ZNF521: variants seen among roughly 807,000 people sequenced by gnomAD.
ZNF521 encodes the protein LYST-interacting protein 3.
In ZNF521, 14 loss-of-function variants were observed where a neutral mutation model predicts 105.5. That is an observed-to-expected ratio of 0.13 (90% CI 0.09 to 0.21). The LOEUF (loss-of-function observed/expected upper bound fraction) is 0.21, where lower values mean the gene tolerates loss of function less well. Ranked by LOEUF, ZNF521 falls within the 10% of genes least tolerant of loss-of-function variation. The probability of loss-of-function intolerance (pLI) is 1.00; values close to 1 mark genes in which losing one functional copy is unlikely to be tolerated. For missense variants in ZNF521, 1,233 were observed against 1,629.7 expected, an observed-to-expected ratio of 0.76 and a Z score of 4.19; for synonymous variants, 635 against 606.0, an observed-to-expected ratio of 1.05 and a Z score of -0.70.
chr18:25,202,095 C>T (rs1024718003), intron 4 of ZNF521: 3 of 151,998 alleles, frequency 2.0e-5, no homozygotes, highest in Non-Finnish European at 4.4e-5. Flanking sequence ...TAGTTTTCAC[C>T]CTTTTAAGTG....
chr18:25,081,280 G>A lies in ZNF521; in HGVS notation c.3906+8185C>T, dbSNP rs1248538685. Among the ~76,000 whole-genome samples, 12 of 152,178 alleles carry A rather than the reference G, an allele frequency of 7.9e-5. No individual in the cohort carries two copies. In the East Asian group the frequency reaches 2.1e-3, roughly 27 times the overall value. ...CAAAAAAATAATGTAATGGCAGCTC[G>A]CTAACAACAGGGCTGTTGGAGGAGG... is the stretch of plus-strand genomic sequence containing the variant. On this transcript the variant is annotated intron_variant, in intron 7 of 7. Coordinates refer to ENST00000361524, the MANE Select transcript of ZNF521 (RefSeq NM_015461.3).
intron 5 of ZNF521, among the ~76,000 whole-genome samples, chr18:25,121,051 AT>A (rs1361753758): frequency 1.3e-5 from 2 of 152,090 alleles, no homozygotes; most frequent in Admixed American, 1.3e-4. Flanking sequence ...AAACAAAAAA[AT>A]AATACTGAAT....
At chr18:25,146,466 C>A (rs1475910442) in intron 5 of ZNF521, among the ~76,000 whole-genome samples, 1 of 151,866 alleles carries the variant, frequency 6.6e-6, no homozygotes, top group Non-Finnish European at 1.5e-5. Flanking sequence ...AGCAGGGAGC[C>A]CTATAGAAAA....
At position 25,062,589 on chromosome 18, in the gene ZNF521, T is replaced by C; in HGVS notation, c.*123A>G. 7.6e-7 allele frequency: 1 copy of C among 1,322,372 alleles called. No individual in the cohort carries two copies. The highest frequency in any genetic ancestry group is 1.1e-6 in the Non-Finnish European group (1 of 951,400). The allele number at this position is 1,322,372 out of a possible 1,614,324, so 81.9% of individuals were successfully genotyped here. ...ACATCCAACAGTTTGATAATACAAGTTTTATGGTACAATACAATGTTTCTG... is the reference window on the plus strand; with the variant it reads ...ACATCCAACAGTTTGATAATACAAGCTTTATGGTACAATACAATGTTTCTG... On this transcript the variant is annotated 3_prime_UTR_variant, in exon 8 of 8. Transcript: ENST00000361524.
At chr18:25,132,967 T>C (rs150669414) in intron 5 of ZNF521, among the ~76,000 whole-genome samples, 14 of 152,252 alleles carry the variant, frequency 9.2e-5, no homozygotes, top group Non-Finnish European at 1.6e-4. Context: ...CAGCAGGACA[T>C]GTGTGCGGCA....
chr18:25,258,708 GAAGAA>G, intron 3 of ZNF521, among the ~76,000 whole-genome samples: 1 of 152,020 alleles, frequency 6.6e-6, no homozygotes, highest in Non-Finnish European at 1.5e-5. Context: ...GGATCTTTCT[GAAGAA>G]AATAAGAGAT....
chr18:25,150,840 C>A (rs190260075), intron 5 of ZNF521, among the ~76,000 whole-genome samples: 10 of 152,040 alleles, frequency 6.6e-5, no homozygotes, highest in Admixed American at 6.5e-4. Context: ...TGGTCTCTCA[C>A]CCCTTCAATT....
intron 5 of ZNF521, among the ~76,000 whole-genome samples, chr18:25,173,668 A>G (rs757155525): frequency 6.6e-6 from 1 of 152,184 alleles, no homozygotes; most frequent in Non-Finnish European, 1.5e-5. Context: ...AATTGGCTGC[A>G]GGTGGAAACA....
chr18:25,140,955 C>T (rs1265978016), intron 5 of ZNF521, among the ~76,000 whole-genome samples: 3 of 152,198 alleles, frequency 2.0e-5, no homozygotes, highest in Non-Finnish European at 2.9e-5. Flanking sequence ...AGCAGAAACA[C>T]AGATATTTAC....
chr18:25,120,582 TAAAAAA>T (rs796811110), intron 5 of ZNF521, among the ~76,000 whole-genome samples: 1 of 11,366 alleles, frequency 8.8e-5, no homozygotes, highest in African/African-American at 1.6e-4. Flanking sequence ...AAACTCCATC[TAAAAAA>T]AAAAAAAAAA....
chr18:25,226,148 C>T lies in ZNF521; in HGVS notation c.1770G>A (p.Leu590=), dbSNP rs906705843. The change falls in exon 4 of 8, where the codon TTG becomes TTA. Residue 590 remains leucine (L), a synonymous_variant. Transcript: ENST00000361524. This position sits in a 1 kb window ranked among gnomAD's most constrained non-coding sequence, Gnocchi z 4.1. The stretch of plus-strand genomic sequence containing the variant: ...TCCCATTGTGGATATAATTCAGGGC[C>T]AAGGGAATGTTTTTATGATTCTCTT... ...HIKENHKNIP[L]ALNYIHNGKK... is the part of the protein sequence containing the mutation. 16 of 1,614,056 alleles carry T rather than the reference C, an allele frequency of 9.9e-6. No individual in the cohort carries two copies. The highest frequency in any genetic ancestry group is 1.3e-5 in the Non-Finnish European group (15 of 1,180,006).
chr18:25,109,197 T>C (rs2034134817), intron 5 of ZNF521, among the ~76,000 whole-genome samples: 4 of 152,090 alleles, frequency 2.6e-5, no homozygotes, highest in Admixed American at 2.6e-4. Flanking sequence ...CACTTATAAG[T>C]GAGAATATGT....
At chr18:25,182,065 T>C (rs1719175399) in intron 5 of ZNF521, among the ~76,000 whole-genome samples, 1 of 152,164 alleles carries the variant, frequency 6.6e-6, no homozygotes, top group African/African-American at 2.4e-5. Context: ...ATATTTTGCA[T>C]TTTACCATGC....
intron 4 of ZNF521, among the ~76,000 whole-genome samples, chr18:25,199,010 T>C (rs1312037199): frequency 6.6e-6 from 1 of 151,984 alleles, no homozygotes; most frequent in Non-Finnish European, 1.5e-5. Flanking sequence ...CGTGACATTG[T>C]GTACCTCTTA....
At chr18:25,109,200 G>A (rs1053819017) in intron 5 of ZNF521, among the ~76,000 whole-genome samples, 1 of 152,052 alleles carries the variant, frequency 6.6e-6, no homozygotes, top group Non-Finnish European at 1.5e-5. Flanking sequence ...TTATAAGTGA[G>A]AATATGTGGT....
At chr18:25,113,515 C>T (rs1258604161) in intron 5 of ZNF521, among the ~76,000 whole-genome samples, 1 of 151,960 alleles carries the variant, frequency 6.6e-6, no homozygotes, top group Non-Finnish European at 1.5e-5. Flanking sequence ...AATGTTGTAT[C>T]AGAATGCTTT....
At chr18:25,187,328 T>C (rs1408889634) in intron 5 of ZNF521, among the ~76,000 whole-genome samples, 1 of 152,140 alleles carries the variant, frequency 6.6e-6, no homozygotes, top group East Asian at 1.9e-4. Flanking sequence ...ATTAATGCAA[T>C]GTAAGCGTGA....
At chr18:25,338,414 T>A (rs961201407) in intron 2 of ZNF521, among the ~76,000 whole-genome samples, 6 of 149,318 alleles carry the variant, frequency 4.0e-5, no homozygotes, top group Non-Finnish European at 7.4e-5. Context: ...TTTTTCTACA[T>A]TTTTTTTTTA....
chr18:25,206,347 C>T (rs180966272), intron 4 of ZNF521, among the ~76,000 whole-genome samples: 1 of 152,236 alleles, frequency 6.6e-6, no homozygotes, highest in African/African-American at 2.4e-5. Flanking sequence ...TAATTAGTTA[C>T]ACATAACAAA....
Sources: gnomAD v4.1 joint callset for allele counts (sites outside exome capture counted in the v4.1 genomes callset) on GRCh38, gnomAD v4.1.1 for gene constraint, Gnocchi (gnomAD v3.1) non-coding constraint, MANE v1.5 for transcripts, NCBI Gene and HGNC (gene_info 2026-07-23, HGNC 2026-07-21) for gene names.